PTPRR: variants seen among roughly 807,000 people sequenced by gnomAD.
PTPRR encodes the protein receptor-type tyrosine-protein phosphatase R.
A neutral mutation model predicts 77.2 loss-of-function variants in PTPRR; 38 were observed. That is an observed-to-expected ratio of 0.49 (90% CI 0.38 to 0.65). PTPRR has a LOEUF of 0.65. Ranked by LOEUF, PTPRR falls within the 30% of genes least tolerant of loss-of-function variation. PTPRR has a pLI of 0.00. For synonymous variants in PTPRR, 299 were observed against 283.1 expected, an observed-to-expected ratio of 1.06 and a Z score of -0.57; for missense variants, 744 against 799.2, an observed-to-expected ratio of 0.93 and a Z score of 0.83.
intron 10 of PTPRR, among the ~76,000 whole-genome samples, chr12:70,682,656 A>AT (rs1887719071): frequency 6.6e-6 from 1 of 152,092 alleles, no homozygotes; most frequent in South Asian, 2.1e-4. Context: ...GAATGCACAA[A>AT]TGTACACATA....
At chr12:70,902,114 A>G (rs1397977915) in intron 1 of PTPRR, among the ~76,000 whole-genome samples, 1 of 151,744 alleles carries the variant, frequency 6.6e-6, no homozygotes, top group Non-Finnish European at 1.5e-5. Context: ...ACCACAATGC[A>G]ATACCACCTT....
chr12:70,870,696 G>T (rs1330176425), intron 2 of PTPRR, among the ~76,000 whole-genome samples: 1 of 152,218 alleles, frequency 6.6e-6, no homozygotes, highest in East Asian at 1.9e-4. Context: ...CAACTATCAT[G>T]TCCAATATGT....
intron 2 of PTPRR, among the ~76,000 whole-genome samples, chr12:70,811,703 A>G (rs1891811445): frequency 6.6e-6 from 1 of 152,234 alleles, no homozygotes; most frequent in African/African-American, 2.4e-5. Context: ...AGTTCATTAA[A>G]TTGTTCCCAC....
chr12:70,849,154 A>C (rs1035897133), intron 2 of PTPRR, among the ~76,000 whole-genome samples: 5 of 152,204 alleles, frequency 3.3e-5, no homozygotes, highest in African/African-American at 1.2e-4. Flanking sequence ...TTGGATGACT[A>C]TTATTTGGAA....
intron 2 of PTPRR, among the ~76,000 whole-genome samples, chr12:70,886,016 G>A (rs994290554): frequency 2.0e-5 from 3 of 152,168 alleles, no homozygotes; most frequent in African/African-American, 7.2e-5. Context: ...TAAGACTTGA[G>A]TCATCCTAAT....
chr12:70,645,987 C>T (rs1326428724), intron 13 of PTPRR, among the ~76,000 whole-genome samples: 1 of 152,178 alleles, frequency 6.6e-6, no homozygotes, highest in Non-Finnish European at 1.5e-5. Context: ...TCCTGTCGTA[C>T]CGCCCAGCCC....
rs182030757 is a variant in PTPRR, at chr12:70,761,456, C to T, written c.627+15G>A. 44 of 1,547,826 alleles carry T rather than the reference C, an allele frequency of 2.8e-5. No individual in the cohort carries two copies. The highest frequency in any genetic ancestry group is 9.6e-5 in the African/African-American group (7 of 72,956). Reference sequence around the variant, plus strand: ...GTTCACATTTTTAAATGAATTGTTTCGTGCAACAACATACCTCAGGAGAGA... The same window carrying T: ...GTTCACATTTTTAAATGAATTGTTTTGTGCAACAACATACCTCAGGAGAGA... On this transcript the variant is annotated intron_variant, in intron 4 of 13. Coordinates refer to ENST00000283228, the MANE Select transcript of PTPRR (RefSeq NM_002849.4).
intron 5 of PTPRR, among the ~76,000 whole-genome samples, chr12:70,750,905 C>A (rs752684866): frequency 7.2e-6 from 1 of 139,150 alleles, no homozygotes; most frequent in African/African-American, 2.6e-5. Flanking sequence ...TTTTTTAAAC[C>A]CTTTTTTTTT....
chr12:70,895,527 G>A (rs779873206), intron 1 of PTPRR, among the ~76,000 whole-genome samples: 11 of 151,468 alleles, frequency 7.3e-5, no homozygotes, highest in Non-Finnish European at 1.2e-4. Context: ...TGAGTAATGA[G>A]TTCTAAGATA....
chr12:70,794,155 T>A (rs1216463110), intron 2 of PTPRR, among the ~76,000 whole-genome samples: 1 of 152,198 alleles, frequency 6.6e-6, no homozygotes, highest in Non-Finnish European at 1.5e-5. Flanking sequence ...AATTCTGGAA[T>A]CATATGTGAA....
At chr12:70,888,030 G>GTCTGTGTGTGTGT (rs71068729) in intron 2 of PTPRR, among the ~76,000 whole-genome samples, 2 of 151,552 alleles carry the variant, frequency 1.3e-5, no homozygotes, top group African/African-American at 2.4e-5. Context: ...GTGTGTGTGT[G>GTCTGTGTGTGTGT]GGTGTGTGTG....
At chr12:70,911,070 G>C (rs1893692180) in intron 1 of PTPRR, among the ~76,000 whole-genome samples, 1 of 152,148 alleles carries the variant, frequency 6.6e-6, no homozygotes, top group Non-Finnish European at 1.5e-5. Context: ...TTTTAGGGGA[G>C]TGGTGAGTAG....
intron 10 of PTPRR, among the ~76,000 whole-genome samples, chr12:70,663,181 C>A (rs765547805): frequency 7.2e-5 from 11 of 151,958 alleles, no homozygotes; most frequent in Non-Finnish European, 1.6e-4. Context: ...CAGTTTTTTT[C>A]ACTTATGGAA....
intron 2 of PTPRR, among the ~76,000 whole-genome samples, chr12:70,867,428 C>T (rs1257172758): frequency 1.3e-5 from 2 of 152,142 alleles, no homozygotes; most frequent in African/African-American, 4.8e-5. Flanking sequence ...AGTGAACTCC[C>T]ATTCACAATT....
chr12:70,646,610 T>G (rs1487512621), intron 13 of PTPRR, among the ~76,000 whole-genome samples: 2 of 152,194 alleles, frequency 1.3e-5, no homozygotes, highest in Non-Finnish European at 2.9e-5. Context: ...AGACCTCTTG[T>G]TGTGATCTCA....
chr12:70,864,960 C>T (rs981799985), intron 2 of PTPRR, among the ~76,000 whole-genome samples: 6 of 151,846 alleles, frequency 4.0e-5, no homozygotes, highest in African/African-American at 1.5e-4. Flanking sequence ...TACAGGCGTG[C>T]GTCACCACAC....
intron 4 of PTPRR, among the ~76,000 whole-genome samples, chr12:70,759,901 T>C (rs1180066055): frequency 1.3e-5 from 2 of 152,104 alleles, no homozygotes; most frequent in Non-Finnish European, 1.5e-5. Flanking sequence ...CGTAGTATTT[T>C]GAAAGCCAGA....
chr12:70,720,605 G>T (rs955222737), intron 6 of PTPRR, among the ~76,000 whole-genome samples: 1 of 149,618 alleles, frequency 6.7e-6, no homozygotes, highest in Admixed American at 6.7e-5. Flanking sequence ...TCCAACTCCC[G>T]GGTTCAAGCG....
intron 2 of PTPRR, among the ~76,000 whole-genome samples, chr12:70,865,751 A>G (rs1892832959): frequency 1.3e-5 from 2 of 152,190 alleles, no homozygotes; most frequent in Non-Finnish European, 2.9e-5. Flanking sequence ...TCACTGTTGT[A>G]AACTCAGATA....
Sources: gnomAD v4.1 joint callset for allele counts (sites outside exome capture counted in the v4.1 genomes callset) on GRCh38, gnomAD v4.1.1 for gene constraint, MANE v1.5 for transcripts, NCBI Gene and HGNC (gene_info 2026-07-23, HGNC 2026-07-21) for gene names.